FLT1: variants seen among roughly 807,000 people sequenced by gnomAD.
The protein encoded by FLT1 is vascular endothelial growth factor receptor 1.
FLT1 carries 49 observed loss-of-function variants against 156.3 expected under a neutral mutation model. The observed-to-expected ratio is 0.31, with a 90% CI of 0.25 to 0.40. FLT1 has a LOEUF of 0.40. Ranked by LOEUF, FLT1 falls within the 10% of genes least tolerant of loss-of-function variation. The probability of loss-of-function intolerance (pLI) is 1.00; values close to 1 mark genes in which losing one functional copy is unlikely to be tolerated. For missense variants in FLT1, 1,322 were observed against 1,637.2 expected (o/e 0.81, Z 3.32); for synonymous variants, 594 against 583.8 (o/e 1.02, Z -0.25).
chr13:28,427,227 T>G lies in FLT1; in HGVS notation c.1368A>C (p.Ala456=), dbSNP rs754364855. 36 of 1,613,966 alleles carry G rather than the reference T, an allele frequency of 2.2e-5. No homozygotes were observed. Among genetic ancestry groups the G allele is most frequent in the Non-Finnish European group, 2.9e-5 (34 of 1,179,932 alleles). ...LGSRQILTCT[A]YGIPQPTIKW... The stretch of plus-strand genomic sequence containing the variant: ...TGATTGTAGGTTGAGGGATACCATA[T>G]GCGGTACAAGTCAGGATTTGTCTGC... Residue 456 remains alanine (A), a synonymous_variant, in exon 10 of 30, where the codon GCA becomes GCC. Coordinates refer to ENST00000282397, the MANE Select transcript of FLT1 (RefSeq NM_002019.4).
At chr13:28,417,672 T>A (rs1281372370) in intron 10 of FLT1, among the ~76,000 whole-genome samples, 14 of 3,896 alleles carry the variant, frequency 3.6e-3, no homozygotes, top group East Asian at 0.5. Flanking sequence ...CTTAATTCCG[T>A]TTTTTTTTTT....
chr13:28,486,155 G>C (rs962051499), intron 1 of FLT1, among the ~76,000 whole-genome samples: 1 of 152,208 alleles, frequency 6.6e-6, no homozygotes, highest in East Asian at 1.9e-4. Flanking sequence ...TGGAGCTCAC[G>C]CAATATTAAG....
chr13:28,413,451 G>A lies in FLT1; in HGVS notation c.1437-7557C>T, dbSNP rs1408367956. On this transcript the variant is annotated intron_variant, in intron 10 of 29. Transcript: ENST00000282397. ...TCTTTTCCAGGGCCAGGGGATCCTC[G>A]TGGCCCCGCACTGGGGTAACTGAAA... is the stretch of plus-strand genomic sequence containing the variant. 2.7e-5 allele frequency among the ~76,000 whole-genome samples: 4 copies of A among 146,732 alleles called. No individual in the cohort carries two copies. In the East Asian group the frequency reaches 6.1e-4, roughly 22 times the overall value.
chr13:28,434,616 C>T lies in FLT1; in HGVS notation c.514-396G>A, dbSNP rs377480746. On this transcript the variant is annotated intron_variant, in intron 4 of 29. Coordinates refer to ENST00000282397, the MANE Select transcript of FLT1 (RefSeq NM_002019.4). The stretch of plus-strand genomic sequence containing the variant: ...CCAATTAAGAGGCCGGGCGTGGTGG[C>T]TCACGCCTGTAATTCCAGTACTTTG... Among the ~76,000 whole-genome samples the T allele has an allele frequency of 1.3e-3, 202 of 152,304 alleles. 2 individuals are homozygous for T. Among genetic ancestry groups the T allele is most frequent in the Middle Eastern group, 3.4e-3 (1 of 294 alleles).
chr13:28,315,249 C>T (rs9508015), intron 25 of FLT1, among the ~76,000 whole-genome samples: 43,495 of 151,946 alleles, frequency 0.29, 8,419 homozygotes, highest in African/African-American at 0.56. Context: ...CTATTCAATA[C>T]TGTTATAATA....
At chr13:28,406,731 G>A (rs1007190689) in intron 10 of FLT1, among the ~76,000 whole-genome samples, 2 of 152,142 alleles carry the variant, frequency 1.3e-5, no homozygotes, top group South Asian at 2.1e-4. Context: ...CTGCAGCCTC[G>A]AACCTCTGGG....
In FLT1 at chr13:28,397,562, T is replaced by A. The variant is rs181539236; in HGVS notation, c.1552-494A>T. 4.4e-3 allele frequency among the ~76,000 whole-genome samples: 672 copies of A among 152,294 alleles called. 7 individuals are homozygous for A. The highest frequency in any genetic ancestry group is 0.015 in the African/African-American group (641 of 41,556). ...AGATAATGTTTGGCTGAAACTTTTTTTTTTTTAAGAAATGGGGTCTTGCTA... is the reference window on the plus strand; with the variant it reads ...AGATAATGTTTGGCTGAAACTTTTTATTTTTTAAGAAATGGGGTCTTGCTA... On this transcript the variant is annotated intron_variant, in intron 11 of 29. Coordinates refer to ENST00000282397, the MANE Select transcript of FLT1 (RefSeq NM_002019.4).
intron 14 of FLT1, among the ~76,000 whole-genome samples, chr13:28,377,841 A>G (rs1275390483): frequency 6.6e-6 from 1 of 152,226 alleles, no homozygotes; most frequent in Non-Finnish European, 1.5e-5. Context: ...GTTTCAAAAC[A>G]TGCTTTAAAG....
At chr13:28,353,732 C>G (rs927226206) in intron 15 of FLT1, among the ~76,000 whole-genome samples, 1 of 152,150 alleles carries the variant, frequency 6.6e-6, no homozygotes, top group African/African-American at 2.4e-5. Flanking sequence ...TAGTTACTAA[C>G]ACTTCTGTTG....
chr13:28,379,199 C>T (rs868712416), intron 14 of FLT1, among the ~76,000 whole-genome samples: 2 of 152,060 alleles, frequency 1.3e-5, no homozygotes, highest in South Asian at 4.1e-4. Context: ...AAAAATTAGC[C>T]TGGCGTTGTG....
rs1802606228 is a variant in FLT1, at chr13:28,390,068, AT to A, written c.1696del (p.Met566CysfsTer8). 3 of 1,614,160 alleles carry A rather than the reference AT, an allele frequency of 1.9e-6. No individual in the cohort carries two copies. Among genetic ancestry groups the A allele is most frequent in the Non-Finnish European group, 2.5e-6 (3 of 1,179,998 alleles). ...PNGFHVNLEK[M>X]PTEGEDLKLS... Reference sequence around the variant, plus strand: ...TTTCAGGTCCTCTCCTTCCGTCGGCATTTTTTCCAAGTTAACATGAAACCCA... The same window carrying A: ...TTTCAGGTCCTCTCCTTCCGTCGGCATTTTTCCAAGTTAACATGAAACCCA... On this transcript the variant is annotated frameshift_variant, in exon 13 of 30. Coordinates refer to ENST00000282397, the MANE Select transcript of FLT1 (RefSeq NM_002019.4). LOFTEE classifies it high-confidence loss of function.
chr13:28,450,361 A>G (rs573940088), intron 3 of FLT1, among the ~76,000 whole-genome samples: 6 of 152,196 alleles, frequency 3.9e-5, no homozygotes, highest in Non-Finnish European at 8.8e-5. Flanking sequence ...GATGGACTGT[A>G]AGATTAAGAA....
At chr13:28,447,063 C>T (rs1340782565) in intron 3 of FLT1, among the ~76,000 whole-genome samples, 2 of 151,252 alleles carry the variant, frequency 1.3e-5, no homozygotes, top group Non-Finnish European at 2.9e-5. Context: ...TGGAACAGCT[C>T]CACATGCAAA....
At position 28,487,915 on chromosome 13, in the gene FLT1, C is replaced by T. The variant is rs73437318; in HGVS notation, c.64+6865G>A. ...ACCATGGTATTCTTCAAGACCACAA[C>T]CTCTGTTTACTTTGATTACAAGTCT... On this transcript the variant is annotated intron_variant, in intron 1 of 29. Coordinates refer to ENST00000282397, the MANE Select transcript of FLT1 (RefSeq NM_002019.4). Among the ~76,000 whole-genome samples the T allele has an allele frequency of 2.6e-3, 396 of 151,912 alleles. 2 individuals are homozygous for T. Among genetic ancestry groups the T allele is most frequent in the African/African-American group, 9.1e-3 (376 of 41,426 alleles).
At chr13:28,384,818 C>A (rs3751395) in intron 14 of FLT1, 67 bp downstream of exon 14, 708,009 of 1,453,928 alleles carry the variant, frequency 0.49, 178,122 homozygotes, top group Admixed American at 0.7. Flanking sequence ...GGTGACGGGA[C>A]TGTTAAGGGA....
chr13:28,418,785 C>A (rs114837595), intron 10 of FLT1, among the ~76,000 whole-genome samples: 21 of 151,772 alleles, frequency 1.4e-4, no homozygotes, highest in Non-Finnish European at 2.6e-4. Flanking sequence ...TTGCCCAGAC[C>A]GGTCTCTGCA....
At chr13:28,494,690 C>G in intron 1 of FLT1, 90 bp downstream of exon 1, 1 of 1,016,032 alleles carries the variant, frequency 9.8e-7, no homozygotes, top group Non-Finnish European at 1.5e-6. Context: ...CTCGTCTCCC[C>G]GCGTGCACCC....
chr13:28,324,171 A>T (rs1871585793), intron 20 of FLT1, among the ~76,000 whole-genome samples: 1 of 152,108 alleles, frequency 6.6e-6, no homozygotes, highest in Admixed American at 6.5e-5. Context: ...TAACTATGAC[A>T]CTCTAAAACC....
At chr13:28,486,290 C>G (rs1034858689) in intron 1 of FLT1, among the ~76,000 whole-genome samples, 11 of 152,224 alleles carry the variant, frequency 7.2e-5, no homozygotes, top group African/African-American at 2.7e-4. Flanking sequence ...AGCTCTGTCT[C>G]CAACCAGCAG....
Sources: allele counts gnomAD v4.1 joint callset (sites outside exome capture counted in the v4.1 genomes callset), GRCh38; gene constraint gnomAD v4.1.1; transcripts MANE v1.5; gene names NCBI Gene and HGNC (gene_info 2026-07-23, HGNC 2026-07-21).